Variants in FILIP1 observed in about 807,000 individuals in gnomAD.
FILIP1 encodes the protein filamin A interacting protein 1.
In FILIP1, 61 loss-of-function variants were observed where a neutral mutation model predicts 102.1. The observed-to-expected ratio is 0.60, with a 90% CI of 0.49 to 0.74. FILIP1 has a LOEUF of 0.74. Ranked by LOEUF, FILIP1 falls within the 30% of genes least tolerant of loss-of-function variation. The pLI, the probability that FILIP1 is intolerant of heterozygous loss-of-function variation, is 0.00. For synonymous variants in FILIP1, 491 were observed against 526.9 expected (o/e 0.93, Z 0.93); for missense variants, 1,314 against 1,441.2 (o/e 0.91, Z 1.43).
chr6:75,472,567 C>T (rs556911209), intron 1 of FILIP1, among the ~76,000 whole-genome samples: 1 of 152,184 alleles, frequency 6.6e-6, no homozygotes, highest in South Asian at 2.1e-4. Flanking sequence ...GCCAAACATA[C>T]AAACATTTAT....
intron 2 of FILIP1, among the ~76,000 whole-genome samples, chr6:75,384,186 C>CA (rs939911429): frequency 2.0e-5 from 3 of 151,868 alleles, no homozygotes; most frequent in Non-Finnish European, 4.4e-5. Context: ...AACTCTAATA[C>CA]AAAAAAAATT....
intron 4 of FILIP1, among the ~76,000 whole-genome samples, chr6:75,340,679 T>C (rs572803448): frequency 6.6e-6 from 1 of 151,950 alleles, no homozygotes; most frequent in East Asian, 1.9e-4. Flanking sequence ...AATTTGACTA[T>C]TTTTGCTTAT....
chr6:75,335,365 C>G (rs1229177329), intron 4 of FILIP1, among the ~76,000 whole-genome samples: 1 of 152,162 alleles, frequency 6.6e-6, no homozygotes, highest in Admixed American at 6.5e-5. Flanking sequence ...TAGGTGAATA[C>G]ATTCAGCTAA....
intron 2 of FILIP1, among the ~76,000 whole-genome samples, chr6:75,401,275 C>T (rs908220312): frequency 6.6e-6 from 1 of 152,182 alleles, no homozygotes; most frequent in African/African-American, 2.4e-5. Flanking sequence ...GAAATTCTCT[C>T]CTTCCCTTGC....
intron 1 of FILIP1, among the ~76,000 whole-genome samples, chr6:75,415,490 A>T (rs1777232992): frequency 6.6e-6 from 1 of 150,622 alleles, no homozygotes; most frequent in Non-Finnish European, 1.5e-5. Context: ...CAGAAAAATC[A>T]AACCTGAAAC....
chr6:75,491,560 T>C (rs991553080), intron 1 of FILIP1, among the ~76,000 whole-genome samples: 3 of 151,918 alleles, frequency 2.0e-5, no homozygotes, highest in Admixed American at 1.3e-4. Flanking sequence ...CAAACTAGGG[T>C]GAAGAGAACA....
rs1431342853 is a variant in FILIP1, at chr6:75,448,631, A to G, written c.-6-33653T>C. ...AACAAAGAACCAATATGCAGAATCT[A>G]CAAGGAATATAAACAAAACACCAAA... On this transcript the variant is annotated intron_variant, in intron 1 of 5. Coordinates refer to ENST00000237172, the MANE Select transcript of FILIP1 (RefSeq NM_015687.5). Among the ~76,000 whole-genome samples the G allele has an allele frequency of 3.3e-5, 5 of 152,202 alleles. No individual in the cohort carries two copies. In the East Asian group the frequency reaches 9.6e-4, roughly 29 times the overall value.
chr6:75,319,865 A>G (rs1022833745), intron 4 of FILIP1: 2 of 449,732 alleles, frequency 4.4e-6, no homozygotes, highest in Non-Finnish European at 8.0e-6. Context: ...AAACTCTGAG[A>G]AGTTGACTGA....
chr6:75,433,108 T>C (rs965477108), intron 1 of FILIP1, among the ~76,000 whole-genome samples: 1 of 152,242 alleles, frequency 6.6e-6, no homozygotes, highest in African/African-American at 2.4e-5. Context: ...TCCAAGTCTT[T>C]GCTATTGTGA....
intron 3 of FILIP1, chr6:75,361,743 C>T (rs1775179625): frequency 6.6e-6 from 1 of 152,206 alleles, no homozygotes; most frequent in Non-Finnish European, 1.5e-5. Context: ...AAAGAGCTTA[C>T]ATAATCTGCC....
At chr6:75,372,662 A>G (rs1775572197) in intron 2 of FILIP1, among the ~76,000 whole-genome samples, 1 of 67,172 alleles carries the variant, frequency 1.5e-5, no homozygotes, top group Non-Finnish European at 2.8e-5. Flanking sequence ...AGAAAGAAAG[A>G]AAGAAAGAAA....
At chr6:75,365,511 T>C (rs1426600601) in intron 2 of FILIP1, among the ~76,000 whole-genome samples, 1 of 152,108 alleles carries the variant, frequency 6.6e-6, no homozygotes, top group Non-Finnish European at 1.5e-5. Flanking sequence ...CTCAGCCTCC[T>C]GAGTAGCTGG....
chr6:75,408,605 C>A (rs561661197), intron 2 of FILIP1, among the ~76,000 whole-genome samples: 2 of 152,228 alleles, frequency 1.3e-5, no homozygotes, highest in African/African-American at 4.8e-5. Context: ...TTGTCTACAG[C>A]GTCCAAAATG....
chr6:75,435,396 G>A (rs971667172), intron 1 of FILIP1, among the ~76,000 whole-genome samples: 2 of 152,130 alleles, frequency 1.3e-5, no homozygotes, highest in African/African-American at 4.8e-5. Flanking sequence ...TTTAAGTCTT[G>A]AAATATAAAT....
chr6:75,424,569 T>C (rs965715697), intron 1 of FILIP1, among the ~76,000 whole-genome samples: 2 of 152,102 alleles, frequency 1.3e-5, no homozygotes, highest in African/African-American at 4.8e-5. Flanking sequence ...AGTAGAACTG[T>C]TTTTTTAAAG....
chr6:75,451,266 T>C (rs1778623396), intron 1 of FILIP1, among the ~76,000 whole-genome samples: 1 of 148,404 alleles, frequency 6.7e-6, no homozygotes, highest in Non-Finnish European at 1.5e-5. Flanking sequence ...TATACATATA[T>C]GTATATGTAA....
At chr6:75,381,322 C>T (rs1210434016) in intron 2 of FILIP1, among the ~76,000 whole-genome samples, 2 of 151,998 alleles carry the variant, frequency 1.3e-5, no homozygotes, top group African/African-American at 4.8e-5. Flanking sequence ...CTCTGCCTCC[C>T]GGGTTCAAGC....
intron 1 of FILIP1, among the ~76,000 whole-genome samples, chr6:75,491,391 T>C (rs1331915358): frequency 6.6e-6 from 1 of 152,134 alleles, no homozygotes; most frequent in Non-Finnish European, 1.5e-5. Context: ...GTTTTCAAAA[T>C]ACCCAGCCTA....
At chr6:75,467,758 A>G (rs1779211771) in intron 1 of FILIP1, among the ~76,000 whole-genome samples, 1 of 152,212 alleles carries the variant, frequency 6.6e-6, no homozygotes, top group Non-Finnish European at 1.5e-5. Context: ...TGGAAGACAG[A>G]AAGCAGGTGG....
Sources: gnomAD v4.1 joint callset for allele counts (sites outside exome capture counted in the v4.1 genomes callset) on GRCh38, gnomAD v4.1.1 for gene constraint, MANE v1.5 for transcripts, NCBI Gene and HGNC (gene_info 2026-07-23, HGNC 2026-07-21) for gene names.